Variants in ERC2 observed in about 807,000 individuals in gnomAD.
ERC2 encodes the protein ERC protein 2.
In ERC2, 42 loss-of-function variants were observed where a neutral mutation model predicts 114.8. The observed-to-expected ratio is 0.37, with a 90% CI of 0.29 to 0.47. The LOEUF (loss-of-function observed/expected upper bound fraction) is 0.47. Among genes scored for constraint, ERC2 ranks in the 20% least tolerant of loss-of-function variants. ERC2 has a pLI of 0.99. For missense variants in ERC2, 939 were observed against 1,150.7 expected, an observed-to-expected ratio of 0.82 and a Z score of 2.66; for synonymous variants, 454 against 425.5, an observed-to-expected ratio of 1.07 and a Z score of -0.82.
chr3:55,652,608 T>C (rs2148681995), intron 17 of ERC2, among the ~76,000 whole-genome samples: 1 of 152,256 alleles, frequency 6.6e-6, no homozygotes, highest in East Asian at 1.9e-4. Context: ...GTGAGGTGGC[T>C]CATGCCTGTA....
intron 6 of ERC2, among the ~76,000 whole-genome samples, chr3:56,112,511 T>C (rs548677241): frequency 6.6e-6 from 1 of 151,784 alleles, no homozygotes; most frequent in African/African-American, 2.4e-5. Context: ...GGTACAAAAT[T>C]TTCATTAGAG....
At chr3:56,331,852 C>T (rs1305912712) in intron 2 of ERC2, among the ~76,000 whole-genome samples, 2 of 152,224 alleles carry the variant, frequency 1.3e-5, no homozygotes, top group Admixed American at 6.5e-5. Flanking sequence ...CAAGGCTTGC[C>T]TTTTGGATCC....
chr3:56,257,224 G>A (rs898419554), intron 3 of ERC2, among the ~76,000 whole-genome samples: 2 of 152,068 alleles, frequency 1.3e-5, no homozygotes, highest in Admixed American at 6.6e-5. Context: ...ATCTAAAATT[G>A]TGCTTGGTTC....
At chr3:56,018,710 G>GC (rs2073486092) in intron 8 of ERC2, among the ~76,000 whole-genome samples, 184 bp downstream of exon 8, 1 of 152,182 alleles carries the variant, frequency 6.6e-6, no homozygotes, top group African/African-American at 2.4e-5. Flanking sequence ...TTCAGAAAAT[G>GC]CCCCTGACTG....
intron 2 of ERC2, among the ~76,000 whole-genome samples, chr3:56,377,508 C>G (rs868521446): frequency 1.2e-4 from 18 of 152,194 alleles, no homozygotes; most frequent in Admixed American, 2.6e-4. Flanking sequence ...AATTTGTCAA[C>G]CTGAAAACTG....
intron 14 of ERC2, among the ~76,000 whole-genome samples, chr3:55,737,854 T>C (rs1159410488): frequency 6.6e-6 from 1 of 152,170 alleles, no homozygotes. Context: ...GTGGTATTTC[T>C]TTTTGGATCA....
chr3:55,514,468 AG>A (rs2052346973), intron 17 of ERC2, among the ~76,000 whole-genome samples: 1 of 152,238 alleles, frequency 6.6e-6, no homozygotes, highest in African/African-American at 2.4e-5. Flanking sequence ...TTTTTAAAAA[AG>A]GGTGGATCTG....
At chr3:56,401,254 T>C (rs956834169) in intron 2 of ERC2, among the ~76,000 whole-genome samples, 1 of 152,224 alleles carries the variant, frequency 6.6e-6, no homozygotes. Context: ...AGGAGTTAGT[T>C]ACTCTTACTT....
At chr3:56,357,745 C>T (rs1046373734) in intron 2 of ERC2, among the ~76,000 whole-genome samples, 8 of 149,480 alleles carry the variant, frequency 5.4e-5, no homozygotes, top group Non-Finnish European at 5.9e-5. Context: ...CATTGTTAAA[C>T]TTTAATGAGC....
chr3:56,311,819 ATGTGTGTGTG>A (rs10536094), intron 2 of ERC2, among the ~76,000 whole-genome samples: 102 of 142,952 alleles, frequency 7.1e-4, no homozygotes, highest in Middle Eastern at 3.5e-3. Flanking sequence ...ATACATATAA[ATGTGTGTGTG>A]TGTGTGTGTG....
intron 14 of ERC2, among the ~76,000 whole-genome samples, chr3:55,862,140 A>AAC (rs1197835350): frequency 6.6e-6 from 1 of 152,108 alleles, no homozygotes; most frequent in Non-Finnish European, 1.5e-5. Context: ...AACACACACA[A>AAC]ACACACACAC....
intron 7 of ERC2, among the ~76,000 whole-genome samples, chr3:56,038,546 C>T (rs916334373): frequency 2.6e-5 from 4 of 152,134 alleles, no homozygotes; most frequent in Non-Finnish European, 4.4e-5. Flanking sequence ...AGACCTAGAA[C>T]CAGAAATACC....
At chr3:56,001,008 T>C (rs1235460453) in intron 10 of ERC2, among the ~76,000 whole-genome samples, 2 of 145,438 alleles carry the variant, frequency 1.4e-5, no homozygotes, top group Non-Finnish European at 3.0e-5. Flanking sequence ...GTTCATTATA[T>C]GAGAAAATTC....
At chr3:56,346,872 G>A (rs1162842614) in intron 2 of ERC2, among the ~76,000 whole-genome samples, 3 of 152,142 alleles carry the variant, frequency 2.0e-5, no homozygotes, top group African/African-American at 4.8e-5. Context: ...GAGAGAGCAG[G>A]GGAGAGCACG....
intron 14 of ERC2, among the ~76,000 whole-genome samples, chr3:55,840,906 T>C (rs1262169497): frequency 6.6e-6 from 1 of 152,082 alleles, no homozygotes; most frequent in African/African-American, 2.4e-5. Context: ...CAAACTACTA[T>C]ATAGCAGAGT....
intron 7 of ERC2, among the ~76,000 whole-genome samples, chr3:56,076,590 T>G (rs1302130028): frequency 2.0e-5 from 3 of 152,182 alleles, no homozygotes; most frequent in Non-Finnish European, 4.4e-5. Flanking sequence ...CTAAACACTT[T>G]TCATACATGT....
chr3:55,533,275 T>G (rs1040539514), intron 17 of ERC2, among the ~76,000 whole-genome samples: 4 of 152,114 alleles, frequency 2.6e-5, no homozygotes, highest in Non-Finnish European at 4.4e-5. Context: ...TCAGGGTGCT[T>G]GGGTGAGAGA....
chr3:56,293,632 C>A (rs1363440902), intron 3 of ERC2, among the ~76,000 whole-genome samples: 1 of 152,144 alleles, frequency 6.6e-6, no homozygotes, highest in Non-Finnish European at 1.5e-5. Flanking sequence ...TTTCCAAATT[C>A]TCCCCCTCTT....
rs180971359 is a variant in ERC2 at position 55,906,380 on chromosome 3, C to T, written c.2404-17831G>A. 4.9e-3 allele frequency among the ~76,000 whole-genome samples: 708 copies of T among 144,052 alleles called. 7 individuals carry two copies. Among genetic ancestry groups the T allele is most frequent in the African/African-American group, 0.018 (665 of 37,728 alleles). The allele number at this position is 144,052 out of a possible 152,430, so 94.5% of individuals were successfully genotyped here. ...CCGGGAGGCGGAGCTTGCAGTGAGC[C>T]GAGATCGCGCCACTGCACTCCAGCC... On this transcript the variant is annotated intron_variant, in intron 13 of 17. Coordinates refer to ENST00000288221, the MANE Select transcript of ERC2 (RefSeq NM_015576.3).
Sources: allele counts gnomAD v4.1 joint callset (sites outside exome capture counted in the v4.1 genomes callset), GRCh38; gene constraint gnomAD v4.1.1; transcripts MANE v1.5; gene names NCBI Gene and HGNC (gene_info 2026-07-23, HGNC 2026-07-21).